LIX1L: variants seen among roughly 807,000 people sequenced by gnomAD.
LIX1L encodes limb and CNS expressed 1 like.
Under a neutral mutation model 34.0 loss-of-function variants are expected in LIX1L, and 20 were observed. That is an observed-to-expected ratio of 0.59 (90% CI 0.41 to 0.85). LIX1L has a LOEUF of 0.85. Among genes scored for constraint, LIX1L ranks in the 40% least tolerant of loss-of-function variants. The probability of loss-of-function intolerance (pLI) is 0.00; values close to 1 mark genes in which losing one functional copy is unlikely to be tolerated. For missense variants in LIX1L, 397 were observed against 447.0 expected (o/e 0.89, Z 1.01); for synonymous variants, 170 against 187.4 (o/e 0.91, Z 0.76).
chr1:145,945,035 GAA>G (rs782796234), intron 2 of LIX1L, among the ~76,000 whole-genome samples: 2 of 115,766 alleles, frequency 1.7e-5, no homozygotes. Flanking sequence ...TCTCAAGAAA[GAA>G]AAAAAAAAAA....
Position 145,943,493 on chromosome 1 carries a change from A to C in LIX1L, c.457-640T>G, listed in dbSNP as rs144783064. On this transcript the variant is annotated intron_variant, in intron 2 of 5. Transcript: ENST00000604000. Reference sequence around the variant, plus strand: ...AGTGGAAACAAAGAGGAGAGGAGTAACTAAGGGAAGGAAAGCTGACTTAAG... The same window carrying C: ...AGTGGAAACAAAGAGGAGAGGAGTACCTAAGGGAAGGAAAGCTGACTTAAG... Among the ~76,000 whole-genome samples, 445 of 152,340 alleles carry C rather than the reference A, an allele frequency of 2.9e-3. 1 individual carries two copies. The highest frequency in any genetic ancestry group is 0.01 in the African/African-American group (425 of 41,578).
chr1:145,947,312 A>G, intron 2 of LIX1L: 1 of 315,134 alleles, frequency 3.2e-6, no homozygotes, highest in Non-Finnish European at 6.0e-6. Context: ...AGATGGAAGA[A>G]AGTTGGAATG....
intron 3 of LIX1L, among the ~76,000 whole-genome samples, chr1:145,938,184 C>G (rs1553758088): frequency 6.6e-6 from 1 of 151,300 alleles, no homozygotes; most frequent in Non-Finnish European, 1.5e-5. Flanking sequence ...CCAATATGTT[C>G]AAAATATTAT....
chr1:145,943,733 CAGTTTTTAAA>C (rs1553758935), intron 2 of LIX1L, among the ~76,000 whole-genome samples: 1 of 152,052 alleles, frequency 6.6e-6, no homozygotes, highest in East Asian at 1.9e-4. Flanking sequence ...AGTGATGTTG[CAGTTTTTAAA>C]AGTAGACCAA....
In LIX1L at chr1:145,935,143, G is replaced by C. The variant is rs1475358896; in HGVS notation, c.*1167C>G. 1 of 151,202 alleles carries C rather than the reference G, an allele frequency of 6.6e-6. No individual in the cohort carries two copies. Among genetic ancestry groups the C allele is most frequent in the South Asian group, 2.1e-4 (1 of 4,818 alleles). The allele number at this position is 151,202 out of a possible 1,614,324, so 9.4% of individuals were successfully genotyped here. On this transcript the variant is annotated 3_prime_UTR_variant, in exon 6 of 6. Coordinates refer to ENST00000604000, the MANE Select transcript of LIX1L (RefSeq NM_153713.3). ...GATCACGCCACTGCACTCCAGCCTG[G>C]GCAAAAGTGTGAGACTCTGTCTTCC...
chr1:145,947,524 T>C lies in LIX1L; in HGVS notation c.456+95A>G. On this transcript the variant is annotated intron_variant, in intron 2 of 5. Coordinates refer to ENST00000604000, the MANE Select transcript of LIX1L (RefSeq NM_153713.3). ...CAGAATTGCTTTAGGTCCTCAAATA[T>C]ATGATTTCAGGCAGTTTAATGGCCA... The C allele has an allele frequency of 9.0e-6, 12 of 1,329,122 alleles. 1 individual carries two copies. Among genetic ancestry groups the C allele is most frequent in the Non-Finnish European group, 1.3e-5 (12 of 948,706 alleles). The allele number at this position is 1,329,122 out of a possible 1,614,324, so 82.3% of individuals were successfully genotyped here. A position where few individuals can be genotyped will look rare whatever the true frequency, so the allele number is the denominator to read the frequency against.
At chr1:145,944,259 T>C (rs1349306785) in intron 2 of LIX1L, among the ~76,000 whole-genome samples, 1 of 151,598 alleles carries the variant, frequency 6.6e-6, no homozygotes, top group African/African-American at 2.4e-5. Context: ...AGTCAGGAGG[T>C]TGAGGTGGAA....
intron 1 of LIX1L, among the ~76,000 whole-genome samples, chr1:145,953,833 C>T (rs899203795): frequency 1.3e-5 from 2 of 152,250 alleles, no homozygotes; most frequent in Admixed American, 1.3e-4. Context: ...GCAGGATGAT[C>T]ACTTGAGGCC....
intron 1 of LIX1L, among the ~76,000 whole-genome samples, chr1:145,951,948 G>GT (rs1649312374): frequency 6.6e-6 from 1 of 152,210 alleles, no homozygotes. Flanking sequence ...TTTTAGAAAT[G>GT]TGAGTATGAA....
chr1:145,940,574 C>T (rs1372022456), intron 3 of LIX1L, among the ~76,000 whole-genome samples: 3 of 124,034 alleles, frequency 2.4e-5, no homozygotes, highest in African/African-American at 9.4e-5. Flanking sequence ...TTTTGTGAGA[C>T]ACAGTCTCGC....
At chr1:145,938,546 A>G (rs980145663) in intron 3 of LIX1L, among the ~76,000 whole-genome samples, 1 of 151,898 alleles carries the variant, frequency 6.6e-6, no homozygotes, top group Non-Finnish European at 1.5e-5. Flanking sequence ...GATTGTTTTG[A>G]GAATTAAATA....
intron 2 of LIX1L, chr1:145,944,394 AG>A (rs1649030068): frequency 6.6e-6 from 1 of 152,198 alleles, no homozygotes; most frequent in Admixed American, 6.5e-5. Context: ...GGATGTGTTT[AG>A]TACTTAAGCA....
rs193094337 is a variant in LIX1L, at chr1:145,948,319, G to A, written c.293-537C>T. Among the ~76,000 whole-genome samples the A allele has an allele frequency of 1.4e-3, 220 of 152,286 alleles. 1 individual carries two copies. Among genetic ancestry groups the A allele is most frequent in the Admixed American group, 3.3e-3 (50 of 15,290 alleles). On this transcript the variant is annotated intron_variant, in intron 1 of 5. Coordinates refer to ENST00000604000, the MANE Select transcript of LIX1L (RefSeq NM_153713.3). This position sits in a 1 kb window ranked among gnomAD's most constrained non-coding sequence, Gnocchi z 4.0. ...TTTACTATCCATATTTTACAGATGA[G>A]GGAAATGAGGTACAGAGAAGTTAAA...
In LIX1L at chr1:145,942,868, AAG is replaced by A; in HGVS notation, c.457-17_457-16del. 1.2e-6 allele frequency: 2 copies of A among 1,613,608 alleles called. No homozygotes were observed. Among genetic ancestry groups the A allele is most frequent in the South Asian group, 1.1e-5 (1 of 91,072 alleles). On this transcript the variant is annotated splice_polypyrimidine_tract_variant and intron_variant, in intron 2 of 5. Transcript: ENST00000604000. ...GTGGGGCAAAACTAGGCAGGGGAGA[AAG>A]AGTGAGAATATGTGTATTTGTGCAT...
rs782652360 is a variant in LIX1L, at chr1:145,942,676, C to T, written c.597+37G>A. 14 of 1,605,556 alleles carry T rather than the reference C, an allele frequency of 8.7e-6. No individual in the cohort carries two copies. In the African/African-American group the frequency reaches 1.9e-4, roughly 21 times the overall value. Reference sequence around the variant, plus strand: ...CTTCCCAAGCAGCCAGTTCTCCCATCTCCCACTCTCCTTCCTTCCAGCTCC... The same window carrying T: ...CTTCCCAAGCAGCCAGTTCTCCCATTTCCCACTCTCCTTCCTTCCAGCTCC... On this transcript the variant is annotated intron_variant, in intron 3 of 5. Transcript: ENST00000604000.
At chr1:145,949,240 A>T (rs149245728) in intron 1 of LIX1L, among the ~76,000 whole-genome samples, 1 of 152,284 alleles carries the variant, frequency 6.6e-6, no homozygotes, top group Non-Finnish European at 1.5e-5. Flanking sequence ...ATCTCAAACA[A>T]ATGTAAAATT....
intron 2 of LIX1L, among the ~76,000 whole-genome samples, chr1:145,946,381 T>C (rs587678103): frequency 1.3e-5 from 2 of 151,818 alleles, no homozygotes; most frequent in South Asian, 4.2e-4. Context: ...GTATTTTTAG[T>C]AGAGACGGGG....
At chr1:145,938,788 A>T (rs1648767857) in intron 3 of LIX1L, among the ~76,000 whole-genome samples, 1 of 152,008 alleles carries the variant, frequency 6.6e-6, no homozygotes, top group African/African-American at 2.4e-5. Flanking sequence ...GGGTTTCACC[A>T]TGTTGGCCAG....
intron 1 of LIX1L, among the ~76,000 whole-genome samples, chr1:145,953,255 A>G (rs1649364394): frequency 6.6e-6 from 1 of 152,162 alleles, no homozygotes; most frequent in Non-Finnish European, 1.5e-5. Flanking sequence ...CTACAGTAAA[A>G]ATTTTATATC....
Sources: allele counts gnomAD v4.1 joint callset (sites outside exome capture counted in the v4.1 genomes callset), GRCh38; gene constraint gnomAD v4.1.1; non-coding constraint Gnocchi (gnomAD v3.1); transcripts MANE v1.5; gene names NCBI Gene and HGNC (gene_info 2026-07-23, HGNC 2026-07-21).